The following CDADC1 variants were observed in gnomAD, a reference collection of about 807,000 sequenced individuals.
CDADC1 encodes the protein cytidine and dCMP deaminase domain containing 1.
CDADC1 carries 39 observed loss-of-function variants against 54.9 expected under a neutral mutation model. That is an observed-to-expected ratio of 0.71 (90% confidence interval 0.55 to 0.93). The LOEUF (loss-of-function observed/expected upper bound fraction) is 0.93, where lower values mean the gene tolerates loss of function less well. CDADC1 is among the 40% of genes least tolerant of loss of function. The probability of loss-of-function intolerance (pLI) is 0.00; values close to 1 mark genes in which losing one functional copy is unlikely to be tolerated. For missense variants in CDADC1, 518 were observed against 618.8 expected (o/e 0.84, Z 1.73); for synonymous variants, 186 against 204.0 (o/e 0.91, Z 0.75).
intron 5 of CDADC1, among the ~76,000 whole-genome samples, chr13:49,271,002 A>G (rs891459611): frequency 1.3e-5 from 2 of 152,242 alleles, no homozygotes; most frequent in Admixed American, 6.5e-5. Context: ...AAAAATGTAC[A>G]TATGATTAAA....
intron 2 of CDADC1, 143 bp from the exon 3 acceptor site, chr13:49,255,696 A>G (rs1210583441): frequency 1.2e-5 from 11 of 955,710 alleles, no homozygotes; most frequent in Non-Finnish European, 1.7e-5. Flanking sequence ...TGATCCAAAC[A>G]AAGTGGGAAG....
chr13:49,254,384 A>C (rs904623810), intron 2 of CDADC1, among the ~76,000 whole-genome samples: 11 of 148,284 alleles, frequency 7.4e-5, no homozygotes, highest in African/African-American at 2.5e-4. Context: ...AAACTTTATC[A>C]ATGTATTAAC....
At chr13:49,285,182 CT>C (rs57516377) in intron 8 of CDADC1, among the ~76,000 whole-genome samples, 38,262 of 131,388 alleles carry the variant, frequency 0.29, 4,480 homozygotes, top group East Asian at 0.48. Flanking sequence ...TTTCTTTTTT[CT>C]TTTTTTTTTT....
At chr13:49,254,952 C>T (rs1952510800) in intron 2 of CDADC1, among the ~76,000 whole-genome samples, 1 of 152,136 alleles carries the variant, frequency 6.6e-6, no homozygotes, top group African/African-American at 2.4e-5. Context: ...TACCTGTATT[C>T]GTTTTCTATT....
At chr13:49,275,772 G>A (rs1953112850) in intron 6 of CDADC1, among the ~76,000 whole-genome samples, 1 of 101,498 alleles carries the variant, frequency 9.9e-6, no homozygotes, top group Admixed American at 1.0e-4. Flanking sequence ...GAGAGAGAGA[G>A]AGAGAGAGAG....
At chr13:49,269,751 T>C (rs915678995) in intron 5 of CDADC1, among the ~76,000 whole-genome samples, 1 of 152,252 alleles carries the variant, frequency 6.6e-6, no homozygotes, top group African/African-American at 2.4e-5. Flanking sequence ...GTGAATCTGC[T>C]ATTTTACTGG....
At chr13:49,270,259 G>C (rs1458787379) in intron 5 of CDADC1, among the ~76,000 whole-genome samples, 3 of 152,088 alleles carry the variant, frequency 2.0e-5, no homozygotes, top group Non-Finnish European at 4.4e-5. Flanking sequence ...GTTTTACTCT[G>C]TTGCCCAGGC....
Position 49,292,428 on chromosome 13 carries a change from T to G in CDADC1, c.*671T>G, listed in dbSNP as rs1351914828. 4 of 1,003,352 alleles carry G rather than the reference T, an allele frequency of 4.0e-6. No individual in the cohort carries two copies. The highest frequency in any genetic ancestry group is 4.8e-6 in the Non-Finnish European group (4 of 840,676). 62.2% of individuals were successfully genotyped at this position (1,003,352 alleles called of 1,614,324 possible). ...GTCGCTGCTTGATATCACTGACTCT[T>G]GAAATCACTAACAGTGAACCTCAAA... On this transcript the variant is annotated 3_prime_UTR_variant, in exon 10 of 10. Transcript: ENST00000251108.
chr13:49,251,189 C>T (rs1290646717), intron 2 of CDADC1, among the ~76,000 whole-genome samples: 3 of 152,010 alleles, frequency 2.0e-5, no homozygotes, highest in African/African-American at 4.8e-5. Flanking sequence ...GCAGGCAGAT[C>T]ACAAGGTCAA....
Position 49,280,838 on chromosome 13 carries a change from A to T in CDADC1, c.1410+140A>T, listed in dbSNP as rs200243519. 4 of 185,266 alleles carry T rather than the reference A, an allele frequency of 2.2e-5. 1 individual carries two copies. The highest frequency in any genetic ancestry group is 3.8e-4 in the South Asian group (2 of 5,206). The allele number at this position is 185,266 out of a possible 1,614,324, so 11.5% of individuals were successfully genotyped here. ...TTATTATTATTATTATTATTATTTTATTATTATTATTTGAGACAGAGTCTC... is the reference window on the plus strand; with the variant it reads ...TTATTATTATTATTATTATTATTTTTTTATTATTATTTGAGACAGAGTCTC... On this transcript the variant is annotated intron_variant, in intron 8 of 9. Coordinates refer to ENST00000251108, the MANE Select transcript of CDADC1 (RefSeq NM_030911.4).
In CDADC1 at chr13:49,249,936, C is replaced by T. The variant is rs182320651; in HGVS notation, c.177+971C>T. Reference sequence around the variant, plus strand: ...TAATTTTGGAAGCTTAGGGTGTTGGCATTAATTTTTATAGGGGGCCACGGC... The same window carrying T: ...TAATTTTGGAAGCTTAGGGTGTTGGTATTAATTTTTATAGGGGGCCACGGC... On this transcript the variant is annotated intron_variant, in intron 2 of 9. Coordinates refer to ENST00000251108, the MANE Select transcript of CDADC1 (RefSeq NM_030911.4). 3.1e-3 allele frequency among the ~76,000 whole-genome samples: 476 copies of T among 151,958 alleles called. 2 individuals are homozygous for T. Among genetic ancestry groups the T allele is most frequent in the African/African-American group, 0.01 (432 of 41,404 alleles).
intron 5 of CDADC1, among the ~76,000 whole-genome samples, chr13:49,272,546 C>T (rs560494994): frequency 6.6e-6 from 1 of 152,098 alleles, no homozygotes; most frequent in Non-Finnish European, 1.5e-5. Flanking sequence ...AACTGTAAGT[C>T]GTATGAGGAA....
At chr13:49,270,946 T>C (rs1952950370) in intron 5 of CDADC1, among the ~76,000 whole-genome samples, 1 of 152,232 alleles carries the variant, frequency 6.6e-6, no homozygotes, top group African/African-American at 2.4e-5. Flanking sequence ...TTTGGTTTGA[T>C]GACCTCATTT....
Position 49,252,040 on chromosome 13 carries a change from T to C in CDADC1, c.177+3075T>C, listed in dbSNP as rs1284221863. ...CTTTTAAATGGAAAGTTATAACACA[T>C]AGAAATGAGTACAGAAGGCATCAAA... On this transcript the variant is annotated intron_variant, in intron 2 of 9. Transcript: ENST00000251108. 2.0e-5 allele frequency among the ~76,000 whole-genome samples: 3 copies of C among 152,280 alleles called. No homozygotes were observed. The East Asian group carries it at 5.8e-4, about 29-fold the overall frequency.
At chr13:49,262,142 CATA>C (rs962536675) in intron 4 of CDADC1, among the ~76,000 whole-genome samples, 2 of 152,076 alleles carry the variant, frequency 1.3e-5, no homozygotes, top group African/African-American at 4.8e-5. Flanking sequence ...ATGTTATTTT[CATA>C]ATAATACTAC....
intron 2 of CDADC1, among the ~76,000 whole-genome samples, chr13:49,254,624 A>G (rs1952504512): frequency 6.6e-6 from 1 of 152,040 alleles, no homozygotes; most frequent in Non-Finnish European, 1.5e-5. Flanking sequence ...GCTGGTCTCG[A>G]ACTCTTGACC....
At chr13:49,253,261 A>G (rs1378529306) in intron 2 of CDADC1, among the ~76,000 whole-genome samples, 1 of 152,238 alleles carries the variant, frequency 6.6e-6, no homozygotes, top group Non-Finnish European at 1.5e-5. Context: ...GACAGAAGAA[A>G]AATTTTATCA....
intron 7 of CDADC1, among the ~76,000 whole-genome samples, chr13:49,279,611 CAG>C (rs1953256939): frequency 6.6e-6 from 1 of 152,138 alleles, no homozygotes; most frequent in South Asian, 2.1e-4. Context: ...ATGGCATTGA[CAG>C]AGCCATACGC....
chr13:49,267,706 T>G lies in CDADC1; in HGVS notation c.647T>G (p.Ile216Ser). 1 of 1,612,306 alleles carries G rather than the reference T, an allele frequency of 6.2e-7. No individual in the cohort carries two copies. The highest frequency in any genetic ancestry group is 1.1e-5 in the South Asian group (1 of 90,538). ...TSYKCDFIQKITKTLPDANTD... is the reference protein window; with the variant it reads ...TSYKCDFIQKSTKTLPDANTD... The stretch of plus-strand genomic sequence containing the variant: ...TACAAATGTGACTTTATTCAAAAAA[T>G]TACAAAAACATTGCCGGATGCTAAC... The change falls in exon 5 of 10, where the codon ATT (isoleucine) becomes AGT (serine). Residue 216 changes from isoleucine (I) to serine (S), a missense_variant. Transcript: ENST00000251108.
Sources: allele counts gnomAD v4.1 joint callset (sites outside exome capture counted in the v4.1 genomes callset), GRCh38; gene constraint gnomAD v4.1.1; transcripts MANE v1.5; gene names NCBI Gene and HGNC (gene_info 2026-07-23, HGNC 2026-07-21).